Variants in ABCB1 observed in about 807,000 individuals in gnomAD.
The protein encoded by ABCB1 is ATP binding cassette subfamily B member 1, also known as ATP-dependent translocase ABCB1.
Under a neutral mutation model 142.0 loss-of-function variants are expected in ABCB1, and 69 were observed. The observed-to-expected ratio is 0.49, with a 90% CI of 0.40 to 0.59. ABCB1 has a LOEUF of 0.59. ABCB1 is among the 20% of genes least tolerant of loss of function. The pLI, the probability that ABCB1 is intolerant of heterozygous loss-of-function variation, is 0.00. For missense variants in ABCB1, 1,326 were observed against 1,554.7 expected (o/e 0.85, Z 2.47); for synonymous variants, 532 against 539.2 (o/e 0.99, Z 0.18).
chr7:87,562,894 T>C (rs1219928444), intron 7 of ABCB1, among the ~76,000 whole-genome samples: 1 of 151,702 alleles, frequency 6.6e-6, no homozygotes, highest in Non-Finnish European at 1.5e-5. Context: ...AGGCCAAGAG[T>C]TCACGACCAG....
chr7:87,689,993 A>T (rs1004923846), intron 1 of ABCB1, among the ~76,000 whole-genome samples: 1 of 151,886 alleles, frequency 6.6e-6, no homozygotes, highest in Non-Finnish European at 1.5e-5. Context: ...TTTTTTTTTA[A>T]AAATTTTTAA....
At chr7:87,544,682 TA>T in intron 16 of ABCB1, 140 bp downstream of exon 16, 2 of 822,010 alleles carry the variant, frequency 2.4e-6, no homozygotes, top group South Asian at 1.6e-5. Flanking sequence ...AACCTGATTC[TA>T]AAATGTTGAC....
intron 18 of ABCB1, among the ~76,000 whole-genome samples, chr7:87,539,815 C>T (rs563079535): frequency 1.3e-5 from 2 of 152,228 alleles, no homozygotes; most frequent in Non-Finnish European, 2.9e-5. Flanking sequence ...GGTTCCAGTC[C>T]CCCCAAGCAC....
chr7:87,682,820 T>A (rs1269820948), intron 1 of ABCB1, among the ~76,000 whole-genome samples: 1 of 152,216 alleles, frequency 6.6e-6, no homozygotes, highest in Non-Finnish European at 1.5e-5. Flanking sequence ...ACCAGCTGCG[T>A]TAGCCCCTAA....
intron 1 of ABCB1, chr7:87,710,727 A>T: frequency 1.3e-6 from 1 of 773,474 alleles, no homozygotes; most frequent in South Asian, 2.0e-5. Flanking sequence ...TCAGAATAGG[A>T]TGAAGAATCA....
chr7:87,630,142 A>C (rs1192402850), intron 1 of ABCB1, among the ~76,000 whole-genome samples: 1 of 152,180 alleles, frequency 6.6e-6, no homozygotes, highest in Non-Finnish European at 1.5e-5. Flanking sequence ...CCTCTTAAGA[A>C]TCAGATGATG....
At chr7:87,563,154 A>G (rs1817640557) in intron 7 of ABCB1, among the ~76,000 whole-genome samples, 1 of 152,200 alleles carries the variant, frequency 6.6e-6, no homozygotes, top group African/African-American at 2.4e-5. Context: ...GAGTTCTGAA[A>G]TTGAGGCAGT....
intron 1 of ABCB1, among the ~76,000 whole-genome samples, chr7:87,702,578 C>T (rs1829189148): frequency 6.6e-6 from 1 of 152,166 alleles, no homozygotes; most frequent in African/African-American, 2.4e-5. Context: ...CCATGACCAA[C>T]TCATTATTTT....
intron 2 of ABCB1, among the ~76,000 whole-genome samples, chr7:87,596,945 G>A (rs1240672532): frequency 6.6e-6 from 1 of 151,888 alleles, no homozygotes; most frequent in Non-Finnish European, 1.5e-5. Flanking sequence ...TTATTTTTTT[G>A]TTCTCTAAAA....
Position 87,681,563 on chromosome 7 carries a change from A to G in ABCB1, c.-331+31598T>C, listed in dbSNP as rs187298318. The stretch of plus-strand genomic sequence containing the variant: ...TATGTCTAAAAAATGTACATACCCT[A>G]ATTAAACTACTTTACTGCTAAAAAT... On this transcript the variant is annotated intron_variant, in intron 1 of 28. Transcript: ENST00000265724. Among the ~76,000 whole-genome samples the G allele has an allele frequency of 1.6e-3, 234 of 150,898 alleles. 10 individuals carry two copies. Among genetic ancestry groups the G allele is most frequent in the African/African-American group, 2.9e-3 (119 of 40,790 alleles).
intron 1 of ABCB1, among the ~76,000 whole-genome samples, chr7:87,660,987 A>G (rs1345785053): frequency 6.6e-6 from 1 of 152,030 alleles, no homozygotes; most frequent in Non-Finnish European, 1.5e-5. Flanking sequence ...ACTTTAATAA[A>G]TGTCCCATCT....
At chr7:87,610,396 CTTTTTTTTTTTT>C (rs766581770) in intron 1 of ABCB1, among the ~76,000 whole-genome samples, 7 of 73,810 alleles carry the variant, frequency 9.5e-5, no homozygotes, top group Non-Finnish European at 1.7e-4. Context: ...CACACCTGGC[CTTTTTTTTTTTT>C]TTTTTTTTTT....
chr7:87,554,541 A>C (rs28381878), intron 8 of ABCB1, among the ~76,000 whole-genome samples: 7 of 152,206 alleles, frequency 4.6e-5, no homozygotes, highest in Non-Finnish European at 1.0e-4. Context: ...ACTTCCGTAG[A>C]CATTTATTTT....
intron 8 of ABCB1, among the ~76,000 whole-genome samples, chr7:87,560,449 A>C (rs1554433974): frequency 1.3e-5 from 2 of 152,164 alleles, no homozygotes; most frequent in Non-Finnish European, 1.5e-5. Context: ...GAACCACAGA[A>C]TCCCCTGCTG....
intron 20 of ABCB1, among the ~76,000 whole-genome samples, chr7:87,536,095 C>T (rs541709713): frequency 2.0e-5 from 3 of 152,142 alleles, no homozygotes; most frequent in African/African-American, 7.2e-5. Context: ...CCTTCTGTAA[C>T]CATAGTGACT....
At chr7:87,618,407 G>A (rs1820097192) in intron 1 of ABCB1, among the ~76,000 whole-genome samples, 1 of 152,178 alleles carries the variant, frequency 6.6e-6, no homozygotes, top group African/African-American at 2.4e-5. Flanking sequence ...TACAACAAAT[G>A]TTTGGGGACT....
At chr7:87,520,329 G>A (rs1033617193) in intron 22 of ABCB1, among the ~76,000 whole-genome samples, 1 of 152,050 alleles carries the variant, frequency 6.6e-6, no homozygotes, top group African/African-American at 2.4e-5. Flanking sequence ...ACTTATTAGA[G>A]CCCTCACTGG....
chr7:87,613,711 G>C (rs888936486), intron 1 of ABCB1, among the ~76,000 whole-genome samples: 5 of 152,156 alleles, frequency 3.3e-5, no homozygotes, highest in African/African-American at 4.8e-5. Context: ...GAGGGAGAGA[G>C]GGAGGGGAGC....
At chr7:87,702,881 C>T (rs1829216839) in intron 1 of ABCB1, among the ~76,000 whole-genome samples, 1 of 151,990 alleles carries the variant, frequency 6.6e-6, no homozygotes, top group South Asian at 2.1e-4. Context: ...TACTCTTGTC[C>T]CAAGCATTTT....
Sources: gnomAD v4.1 joint callset for allele counts (sites outside exome capture counted in the v4.1 genomes callset) on GRCh38, gnomAD v4.1.1 for gene constraint, MANE v1.5 for transcripts, NCBI Gene and HGNC (gene_info 2026-07-23, HGNC 2026-07-21) for gene names.